Variants in LRFN5 observed in about 807,000 individuals in gnomAD.
The protein encoded by LRFN5 is leucine rich repeat and fibronectin type III domain containing 5.
LRFN5 carries 24 observed loss-of-function variants against 45.6 expected under a neutral mutation model. The ratio of observed to expected loss-of-function variants is 0.53; its 90% CI spans 0.38 to 0.74. LRFN5 has a LOEUF of 0.74. LRFN5 is among the 30% of genes least tolerant of loss of function. The pLI is 0.00. For missense variants in LRFN5, 776 were observed against 861.5 expected, an observed-to-expected ratio of 0.90 and a Z score of 1.24; for synonymous variants, 340 against 313.8, an observed-to-expected ratio of 1.08 and a Z score of -0.88.
At chr14:41,777,078 A>G (rs1886319088) in intron 2 of LRFN5, among the ~76,000 whole-genome samples, 1 of 151,952 alleles carries the variant, frequency 6.6e-6, no homozygotes, top group South Asian at 2.1e-4. Context: ...CACAAATACT[A>G]TACTCTAATG....
At chr14:41,890,982 T>A (rs1281388586) in intron 3 of LRFN5, among the ~76,000 whole-genome samples, 1 of 152,134 alleles carries the variant, frequency 6.6e-6, no homozygotes, top group Non-Finnish European at 1.5e-5. Context: ...TTAGCAGTGT[T>A]TTTTATTAGG....
chr14:41,802,114 C>G (rs1398362214), intron 2 of LRFN5, among the ~76,000 whole-genome samples: 1 of 152,170 alleles, frequency 6.6e-6, no homozygotes, highest in Non-Finnish European at 1.5e-5. Flanking sequence ...AAAATGGCAA[C>G]AGTCAGCCTT....
intron 2 of LRFN5, among the ~76,000 whole-genome samples, chr14:41,829,046 A>T (rs1371457720): frequency 6.6e-6 from 1 of 151,914 alleles, no homozygotes. Context: ...TTATTAGCTT[A>T]ATTTTTATTT....
chr14:41,844,156 G>A (rs562665285), intron 2 of LRFN5, among the ~76,000 whole-genome samples: 8 of 152,222 alleles, frequency 5.3e-5, no homozygotes, highest in African/African-American at 7.2e-5. Context: ...TGTAAAATTC[G>A]GCCGGGTGCA....
intron 2 of LRFN5, among the ~76,000 whole-genome samples, chr14:41,795,092 A>G (rs1192833342): frequency 1.3e-5 from 2 of 152,032 alleles, no homozygotes; most frequent in Non-Finnish European, 2.9e-5. Context: ...GTTAAAATTT[A>G]TGCTTTAAAA....
intron 4 of LRFN5, chr14:41,893,091 T>C (rs1890836568): frequency 1.0e-6 from 1 of 984,926 alleles, no homozygotes; most frequent in African/African-American, 1.7e-5. Flanking sequence ...ATTTGCACTA[T>C]AGTTTTTGCA....
chr14:41,761,083 A>AT (rs904766815), intron 1 of LRFN5, among the ~76,000 whole-genome samples: 3 of 151,828 alleles, frequency 2.0e-5, no homozygotes, highest in Middle Eastern at 3.2e-3. Context: ...TATATAAAAC[A>AT]TTTTTTTTCA....
chr14:41,657,234 T>A (rs1161395613), intron 1 of LRFN5, among the ~76,000 whole-genome samples: 1 of 152,012 alleles, frequency 6.6e-6, no homozygotes, highest in South Asian at 2.1e-4. Flanking sequence ...ATATTTCAGC[T>A]TTTATGTTTA....
rs34388914 is a variant in LRFN5, at chr14:41,870,942, C to T, written c.-20-15664C>T. 5.9e-3 allele frequency among the ~76,000 whole-genome samples: 890 copies of T among 151,688 alleles called. 6 individuals are homozygous for T. Among genetic ancestry groups the T allele is most frequent in the Non-Finnish European group, 8.8e-3 (599 of 67,922 alleles). On this transcript the variant is annotated intron_variant, in intron 2 of 5. Coordinates refer to ENST00000298119, the MANE Select transcript of LRFN5 (RefSeq NM_152447.5). ...TTTTATGACTGTCTTATATTACAAC[C>T]GACCAGGTATATTATAATTCATCTA...
At position 41,632,084 on chromosome 14, in the gene LRFN5, G is replaced by C. The variant is rs577218104; in HGVS notation, c.-197+23522G>C. 2.2e-4 allele frequency among the ~76,000 whole-genome samples: 34 copies of C among 152,188 alleles called. No homozygotes were observed. The East Asian group carries it at 6.2e-3, about 28-fold the overall frequency. On this transcript the variant is annotated intron_variant, in intron 1 of 5. Coordinates refer to ENST00000298119, the MANE Select transcript of LRFN5 (RefSeq NM_152447.5). ...AGTGGTAAATTGAACCAGAGTTCTG[G>C]CGTAGGAAGTGACTAGATTCAGGGA...
At chr14:41,671,479 G>A (rs182222731) in intron 1 of LRFN5, among the ~76,000 whole-genome samples, 28 of 152,052 alleles carry the variant, frequency 1.8e-4, no homozygotes, top group Non-Finnish European at 3.4e-4. Context: ...TTTCTTTGCA[G>A]TACCACTTTG....
intron 1 of LRFN5, among the ~76,000 whole-genome samples, chr14:41,634,382 C>G (rs368690902): frequency 6.6e-6 from 1 of 152,124 alleles, no homozygotes; most frequent in African/African-American, 2.4e-5. Context: ...AGAGATAGCC[C>G]TCTGTCTAAT....
At chr14:41,613,514 A>G (rs567873976) in intron 1 of LRFN5, among the ~76,000 whole-genome samples, 1 of 152,140 alleles carries the variant, frequency 6.6e-6, no homozygotes, top group African/African-American at 2.4e-5. Flanking sequence ...GTGGGAACAT[A>G]TATATAATTT....
At chr14:41,698,230 C>T (rs946203095) in intron 1 of LRFN5, among the ~76,000 whole-genome samples, 3 of 151,976 alleles carry the variant, frequency 2.0e-5, no homozygotes, top group African/African-American at 4.8e-5. Context: ...TCCTCCTGGA[C>T]TAGATGGTTT....
intron 1 of LRFN5, among the ~76,000 whole-genome samples, chr14:41,681,977 C>T (rs1199463271): frequency 6.6e-6 from 1 of 151,662 alleles, no homozygotes; most frequent in African/African-American, 2.4e-5. Flanking sequence ...CGCCATCATG[C>T]CTGGAAATTT....
At chr14:41,612,093 G>A (rs1265144777) in intron 1 of LRFN5, among the ~76,000 whole-genome samples, 1 of 152,070 alleles carries the variant, frequency 6.6e-6, no homozygotes, top group Non-Finnish European at 1.5e-5. Flanking sequence ...CTTGCTGTTT[G>A]AAGCACTTTT....
chr14:41,781,580 GAA>G (rs1225905426), intron 2 of LRFN5, among the ~76,000 whole-genome samples: 3 of 92,930 alleles, frequency 3.2e-5, no homozygotes, highest in East Asian at 3.0e-4. Flanking sequence ...AAGAAAGAAA[GAA>G]AGAAAGAAAG....
rs372185143 is a variant in LRFN5, at chr14:41,896,334, A to G, written c.2099-2583A>G. On this transcript the variant is annotated intron_variant, in intron 4 of 5. Transcript: ENST00000298119. ...CATGCTAAGAAAACTGTTCATTTAC[A>G]TTAGACAGAATGAAGACTATCTACG... Among the ~76,000 whole-genome samples the G allele has an allele frequency of 2.9e-4, 44 of 152,284 alleles. 2 individuals carry two copies. The South Asian group carries it at 8.7e-3, about 30-fold the overall frequency.
intron 1 of LRFN5, among the ~76,000 whole-genome samples, chr14:41,744,895 G>T (rs1244634238): frequency 6.6e-6 from 1 of 151,978 alleles, no homozygotes; most frequent in African/African-American, 2.4e-5. Context: ...AAAATATAAA[G>T]TAAAAACTGA....
Sources: gnomAD v4.1 joint callset for allele counts (sites outside exome capture counted in the v4.1 genomes callset) on GRCh38, gnomAD v4.1.1 for gene constraint, MANE v1.5 for transcripts, NCBI Gene and HGNC (gene_info 2026-07-23, HGNC 2026-07-21) for gene names.